The following ZNF157 variants were observed in gnomAD, a reference collection of about 807,000 sequenced individuals.
The protein encoded by ZNF157 is zinc finger protein 157.
Under a neutral mutation model 9.4 loss-of-function variants are expected in ZNF157, and 8 were observed. The observed-to-expected ratio is 0.85, with a 90% CI of 0.50 to 1.53. The LOEUF is 1.53. Ranked by LOEUF, ZNF157 falls within the 40% of genes most tolerant of loss-of-function variation. The pLI, the probability that ZNF157 is intolerant of heterozygous loss-of-function variation, is 0.00. For missense variants in ZNF157, 316 were observed against 385.2 expected (o/e 0.82, Z 1.50); for synonymous variants, 120 against 130.8 (o/e 0.92, Z 0.56).
chrX:47,408,712 G>A lies in ZNF157; in HGVS notation c.73-1564G>A, dbSNP rs765593228. Among the ~76,000 whole-genome samples, 6 of 111,907 alleles carry A rather than the reference G, an allele frequency of 5.4e-5. No individual in the cohort carries two copies. The East Asian group carries it at 1.1e-3, about 21-fold the overall frequency. ...ATTACAGGCATGAGCCACTGCGCCC[G>A]GACAGCAGGCACATCTTACATGGCC... On this transcript the variant is annotated intron_variant, in intron 1 of 3. Transcript: ENST00000377073.
chrX:47,410,657 C>T (rs1036312130), intron 2 of ZNF157, 23 bp from the exon 3 acceptor site: 2 of 1,186,590 alleles, frequency 1.7e-6, no homozygotes, highest in Admixed American at 4.6e-5. Context: ...TGGCCCACGT[C>T]CTGTGCCATT....
chrX:47,394,939 C>T (rs2055908803), intron 1 of ZNF157, among the ~76,000 whole-genome samples: 1 of 111,554 alleles, frequency 9.0e-6, no homozygotes, highest in Non-Finnish European at 1.9e-5. Flanking sequence ...CCACCTCAGC[C>T]TCCCACGTAG....
At chrX:47,384,049 C>T (rs1240376037) in intron 1 of ZNF157, among the ~76,000 whole-genome samples, 1 of 108,537 alleles carries the variant, frequency 9.2e-6, no homozygotes, top group Non-Finnish European at 1.9e-5. Context: ...GCGGGTGGAT[C>T]ACTTGAGGTC....
At position 47,412,662 on chromosome X, in the gene ZNF157, A is replaced by G. The variant is rs2055969041; in HGVS notation, c.589A>G (p.Lys197Glu). Residue 197 changes from lysine to glutamate, a missense_variant, in exon 4 of 4, where the codon AAA (lysine) becomes GAA (glutamate). By Grantham distance (56) the Lys-to-Glu change is moderately conservative. Transcript: ENST00000377073. ...ACCCTATGAATGCGGTGAATGTGCA[A>G]AAACCTTCAGTGCAAGATCATACCT... ...ERPYECGECA[K>E]TFSARSYLIA... 1 of 1,212,125 alleles carries G rather than the reference A, an allele frequency of 8.2e-7. No homozygotes were observed. The highest frequency in any genetic ancestry group is 1.1e-6 in the Non-Finnish European group (1 of 895,585).
chrX:47,379,619 T>C (rs1338068446), intron 1 of ZNF157, among the ~76,000 whole-genome samples: 2 of 108,251 alleles, frequency 1.8e-5, no homozygotes, highest in Non-Finnish European at 3.8e-5. Context: ...GGTTTCACCA[T>C]GTTGGCCAGG....
chrX:47,382,623 A>G (rs1321921336), intron 1 of ZNF157, among the ~76,000 whole-genome samples: 2 of 103,880 alleles, frequency 1.9e-5, no homozygotes, highest in South Asian at 8.9e-4. Flanking sequence ...CTTTGTAGCT[A>G]TCTTATTTGG....
chrX:47,404,246 A>C (rs759019140), intron 1 of ZNF157, among the ~76,000 whole-genome samples: 2 of 105,170 alleles, frequency 1.9e-5, no homozygotes, highest in African/African-American at 6.9e-5. Context: ...GCTCACTGCA[A>C]CCTCCATCTC....
At chrX:47,398,170 C>A (rs1202967573) in intron 1 of ZNF157, among the ~76,000 whole-genome samples, 1 of 110,428 alleles carries the variant, frequency 9.1e-6, no homozygotes, top group Non-Finnish European at 1.9e-5. Flanking sequence ...GATTCCTGGA[C>A]CTGTGAATCC....
At position 47,412,640 on chromosome X, in the gene ZNF157, C is replaced by G. The variant is rs1328971251; in HGVS notation, c.567C>G (p.Pro189=). 1.7e-6 allele frequency: 2 copies of G among 1,211,337 alleles called. No homozygotes were observed. The highest frequency in any genetic ancestry group is 3.5e-5 in the African/African-American group (2 of 57,729). ...EHLRIHTGER[P]YECGECAKTF... ...TGAGAATACACACAGGAGAGAGACCCTATGAATGCGGTGAATGTGCAAAAA... is the reference window on the plus strand; with the variant it reads ...TGAGAATACACACAGGAGAGAGACCGTATGAATGCGGTGAATGTGCAAAAA... The change falls in exon 4 of 4, where the codon CCC becomes CCG. Residue 189 remains proline (P), a synonymous_variant. Coordinates refer to ENST00000377073, the MANE Select transcript of ZNF157 (RefSeq NM_003446.4).
chrX:47,408,081 A>G (rs1323647832), intron 1 of ZNF157, among the ~76,000 whole-genome samples: 1 of 110,341 alleles, frequency 9.1e-6, no homozygotes, highest in African/African-American at 3.4e-5. Flanking sequence ...TCCATGGCAG[A>G]AGGCAAAGAG....
At chrX:47,405,905 A>G (rs1333582288) in intron 1 of ZNF157, among the ~76,000 whole-genome samples, 1 of 109,306 alleles carries the variant, frequency 9.1e-6, no homozygotes, top group African/African-American at 3.3e-5. Context: ...GTGTTTGGTT[A>G]CATGAAGAAG....
intron 1 of ZNF157, among the ~76,000 whole-genome samples, chrX:47,387,496 A>G (rs957510983): frequency 9.1e-6 from 1 of 109,462 alleles, no homozygotes; most frequent in Non-Finnish European, 1.9e-5. Context: ...AGCTCAAGTG[A>G]TCCGCCCATC....
chrX:47,379,943 A>C (rs1240054694), intron 1 of ZNF157, among the ~76,000 whole-genome samples: 3 of 110,022 alleles, frequency 2.7e-5, no homozygotes, highest in African/African-American at 9.9e-5. Context: ...TTTTATAGTA[A>C]GTCATGAAGT....
rs772826809 is a variant in ZNF157 at position 47,382,578 on chromosome X, C to T, written c.72+11838C>T. ...AAGGTCTTTTCTTGTGGGCAAATTG[C>T]GAGGGAGGCATGTAGCCTTTTTTTT... On this transcript the variant is annotated intron_variant, in intron 1 of 3. Transcript: ENST00000377073. Among the ~76,000 whole-genome samples, 5 of 105,795 alleles carry T rather than the reference C, an allele frequency of 4.7e-5. No individual in the cohort carries two copies. In the South Asian group the frequency reaches 2.2e-3, roughly 46 times the overall value. 91.9% of individuals were successfully genotyped at this position (105,795 alleles called of 115,157 possible).
rs765623809 is a variant in ZNF157, at chrX:47,370,658, C to T, written c.-11C>T. ...TCCAGCACGGAAGGTGGGCTGAGGC[C>T]CAGGGTGAACATGCCAGCTAATGGG... On this transcript the variant is annotated 5_prime_UTR_variant, in exon 1 of 4. Coordinates refer to ENST00000377073, the MANE Select transcript of ZNF157 (RefSeq NM_003446.4). The T allele has an allele frequency of 2.5e-6, 3 of 1,203,320 alleles. No individual in the cohort carries two copies. The South Asian group carries it at 5.4e-5, about 22-fold the overall frequency.
chrX:47,413,552 A>G lies in ZNF157; in HGVS notation c.1479A>G (p.Ile493Met). The change falls in exon 4 of 4, where the codon ATA becomes ATG. Residue 493 changes from isoleucine to methionine, a missense_variant. By Grantham distance (10) the Ile-to-Met change is conservative. This residue lies in a region of ZNF157 where 167 missense variants were observed against 183.6 expected (regional missense o/e 0.91). Transcript: ENST00000377073. The stretch of plus-strand genomic sequence containing the variant: ...TCACAGAACATCAGAGAACTCACAT[A>G]GGCTGGTCCTGGCGTTGTACAATGA... The part of the protein sequence containing the change: ...AHLTEHQRTH[I>M]GWSWRCTMKK... 3 of 1,207,226 alleles carry G rather than the reference A, an allele frequency of 2.5e-6. No individual in the cohort carries two copies. The African/African-American group carries it at 5.2e-5, about 21-fold the overall frequency.
At chrX:47,381,640 G>A (rs994553279) in intron 1 of ZNF157, among the ~76,000 whole-genome samples, 1 of 111,778 alleles carries the variant, frequency 8.9e-6, no homozygotes, top group South Asian at 3.7e-4. Context: ...AATAGTGCCA[G>A]AAAATCCTTT....
At chrX:47,411,742 C>T (rs989357478) in intron 3 of ZNF157, among the ~76,000 whole-genome samples, 3 of 111,113 alleles carry the variant, frequency 2.7e-5, no homozygotes, top group Non-Finnish European at 5.6e-5. Flanking sequence ...TTCATTTAGT[C>T]ATCCATGAAA....
chrX:47,406,188 C>A, intron 1 of ZNF157, among the ~76,000 whole-genome samples: 1 of 110,250 alleles, frequency 9.1e-6, no homozygotes, highest in East Asian at 2.8e-4. Context: ...CATCAGCCTC[C>A]CAAAGTGCTA....
Sources: allele counts gnomAD v4.1 joint callset (sites outside exome capture counted in the v4.1 genomes callset), GRCh38; gene constraint gnomAD v4.1.1; regional missense constraint gnomAD v4.1.1; transcripts MANE v1.5; gene names NCBI Gene and HGNC (gene_info 2026-07-23, HGNC 2026-07-21).